MINDY4: variants seen among roughly 807,000 people sequenced by gnomAD.
MINDY4 encodes the protein probable ubiquitin carboxyl-terminal hydrolase MINDY-4.
MINDY4 carries 68 observed loss-of-function variants against 87.0 expected under a neutral mutation model. The observed-to-expected ratio is 0.78, with a 90% CI of 0.64 to 0.96. The LOEUF is 0.96. Among genes scored for constraint, MINDY4 ranks in the 40% least tolerant of loss-of-function variants. The pLI is 0.00. For missense variants in MINDY4, 919 were observed against 928.2 expected (o/e 0.99, Z 0.13); for synonymous variants, 379 against 363.2 (o/e 1.04, Z -0.50).
chr7:30,812,276 G>C (rs565282240), intron 5 of MINDY4, among the ~76,000 whole-genome samples: 1 of 92,228 alleles, frequency 1.1e-5, no homozygotes, highest in Non-Finnish European at 2.2e-5. Context: ...TGTTGAGGGG[G>C]GGGGGGTATG....
At chr7:30,878,981 C>G (rs1236517677) in intron 15 of MINDY4, among the ~76,000 whole-genome samples, 1 of 152,196 alleles carries the variant, frequency 6.6e-6, no homozygotes, top group African/African-American at 2.4e-5. Context: ...ATCGCTTTCC[C>G]CCTTTCCAAT....
intron 1 of MINDY4, among the ~76,000 whole-genome samples, chr7:30,774,201 C>T (rs551010510): frequency 9.2e-5 from 14 of 152,212 alleles, no homozygotes; most frequent in Non-Finnish European, 1.5e-4. Context: ...AAGCTCCTTC[C>T]CCATCTAATT....
chr7:30,780,266 T>C (rs1269095021), intron 2 of MINDY4: 2 of 152,244 alleles, frequency 1.3e-5, no homozygotes, highest in Admixed American at 6.5e-5. Flanking sequence ...GAGAGTGGAC[T>C]GTACACTTTA....
At position 30,814,179 on chromosome 7, in the gene MINDY4, G is replaced by A. The variant is rs923983650; in HGVS notation, c.1074-14500G>A. Among the ~76,000 whole-genome samples the A allele has an allele frequency of 9.1e-4, 139 of 152,240 alleles. 1 individual carries two copies. Among genetic ancestry groups the A allele is most frequent in the Non-Finnish European group, 1.9e-3 (129 of 68,012 alleles). ...AAGAATATGAAAGTATTTAATTTTC[G>A]CAAATTTTCCAAAAATACAAGACCG... is the stretch of plus-strand genomic sequence containing the variant. On this transcript the variant is annotated intron_variant, in intron 5 of 17. Coordinates refer to ENST00000265299, the MANE Select transcript of MINDY4 (RefSeq NM_032222.3).
intron 5 of MINDY4, among the ~76,000 whole-genome samples, chr7:30,826,264 C>T (rs1292235080): frequency 2.0e-5 from 3 of 152,182 alleles, no homozygotes; most frequent in Non-Finnish European, 4.4e-5. Flanking sequence ...TATGACACCA[C>T]GTGACATTGC....
chr7:30,882,277 C>G lies in MINDY4; in HGVS notation c.2068C>G (p.Arg690Gly). Residue 690 changes from arginine to glycine, a missense_variant, in exon 16 of 18, where the codon CGT (arginine) becomes GGT (glycine). By Grantham distance (125) the Arg-to-Gly change is moderately radical. Coordinates refer to ENST00000265299, the MANE Select transcript of MINDY4 (RefSeq NM_032222.3). ...CTTTAGCCTGCAGCCGGGGCTCCTGCGTGACTGGAGGACTGAGAGGCTCTT... is the reference window on the plus strand; with the variant it reads ...CTTTAGCCTGCAGCCGGGGCTCCTGGGTGACTGGAGGACTGAGAGGCTCTT... ...ILFSLQPGLLRDWRTERLFDL... is the reference protein window; with the variant it reads ...ILFSLQPGLLGDWRTERLFDL... 1 of 1,613,998 alleles carries G rather than the reference C, an allele frequency of 6.2e-7. No homozygotes were observed. Among genetic ancestry groups the G allele is most frequent in the Non-Finnish European group, 8.5e-7 (1 of 1,179,884 alleles).
At chr7:30,795,922 C>G (rs1376296791) in intron 5 of MINDY4, among the ~76,000 whole-genome samples, 1 of 152,132 alleles carries the variant, frequency 6.6e-6, no homozygotes, top group Non-Finnish European at 1.5e-5. Flanking sequence ...TTACCTTGGA[C>G]CCACCTGGTT....
chr7:30,828,844 C>A, intron 6 of MINDY4, 107 bp downstream of exon 6: 1 of 995,586 alleles, frequency 1.0e-6, no homozygotes, highest in Non-Finnish European at 1.6e-6. Flanking sequence ...TCCACCTGAC[C>A]TCAGCGAGTG....
chr7:30,885,048 G>C (rs1014286311), intron 17 of MINDY4, among the ~76,000 whole-genome samples: 5 of 152,234 alleles, frequency 3.3e-5, no homozygotes, highest in African/African-American at 1.2e-4. Context: ...CATCTGCTTA[G>C]TGTTGTGTGA....
At chr7:30,887,251 C>G (rs1439359842) in intron 17 of MINDY4, among the ~76,000 whole-genome samples, 1 of 152,124 alleles carries the variant, frequency 6.6e-6, no homozygotes, top group Non-Finnish European at 1.5e-5. Flanking sequence ...GCTGTCACTC[C>G]CCACTGTCCA....
At chr7:30,847,468 A>G (rs985956799) in intron 9 of MINDY4, among the ~76,000 whole-genome samples, 3 of 152,202 alleles carry the variant, frequency 2.0e-5, no homozygotes, top group African/African-American at 7.2e-5. Context: ...TCCTGAAACC[A>G]GGTGCCCACG....
At chr7:30,878,380 A>G (rs944140925) in intron 15 of MINDY4, among the ~76,000 whole-genome samples, 2 of 152,100 alleles carry the variant, frequency 1.3e-5, no homozygotes, top group African/African-American at 4.8e-5. Flanking sequence ...GGGTAAACAG[A>G]TGAAACTCTG....
chr7:30,804,287 A>G (rs1450331920), intron 5 of MINDY4, among the ~76,000 whole-genome samples: 1 of 152,246 alleles, frequency 6.6e-6, no homozygotes, highest in African/African-American at 2.4e-5. Context: ...AGAAGTTAGT[A>G]AAGCCATGGG....
In MINDY4 at chr7:30,791,521, G is replaced by A. The variant is rs756178537; in HGVS notation, c.1020G>A (p.Gln340=). 6 of 1,613,816 alleles carry A rather than the reference G, an allele frequency of 3.7e-6. No homozygotes were observed. The highest frequency in any genetic ancestry group is 5.1e-6 in the Non-Finnish European group (6 of 1,179,806). Reference sequence around the variant, plus strand: ...CTGGTGGTAATTCCAGGATGACCCAGGAGAGGCTGGAAAGAGCGTTCAAAC... The same window carrying A: ...CTGGTGGTAATTCCAGGATGACCCAAGAGAGGCTGGAAAGAGCGTTCAAAC... ...YLPGGNSRMT[Q]ERLERAFKRQ... is the part of the protein sequence containing the mutation. The change falls in exon 5 of 18, where the codon CAG becomes CAA. Residue 340 remains glutamine, a synonymous_variant. Coordinates refer to ENST00000265299, the MANE Select transcript of MINDY4 (RefSeq NM_032222.3).
chr7:30,873,810 A>G (rs1040569950), intron 14 of MINDY4, among the ~76,000 whole-genome samples: 2 of 152,204 alleles, frequency 1.3e-5, no homozygotes, highest in African/African-American at 4.8e-5. Context: ...AACTTGCCTG[A>G]AAAAGGCTGT....
chr7:30,798,161 T>C (rs537635074), intron 5 of MINDY4, among the ~76,000 whole-genome samples: 4 of 152,320 alleles, frequency 2.6e-5, no homozygotes, highest in Non-Finnish European at 5.9e-5. Context: ...TGTTGCCGTA[T>C]TGAATGCTAT....
At chr7:30,797,694 G>C (rs1227819144) in intron 5 of MINDY4, among the ~76,000 whole-genome samples, 1 of 152,204 alleles carries the variant, frequency 6.6e-6, no homozygotes, top group Non-Finnish European at 1.5e-5. Context: ...TGGAGGTCGA[G>C]CAGAGACATG....
intron 5 of MINDY4, among the ~76,000 whole-genome samples, chr7:30,792,292 A>G (rs1787348152): frequency 6.6e-6 from 1 of 152,212 alleles, no homozygotes; most frequent in Non-Finnish European, 1.5e-5. Context: ...TTGACTTATT[A>G]ATATTTCGTG....
At chr7:30,888,860 A>G (rs534022161) in intron 17 of MINDY4, among the ~76,000 whole-genome samples, 11 of 152,306 alleles carry the variant, frequency 7.2e-5, no homozygotes, top group African/African-American at 2.6e-4. Context: ...CTCAAACTCA[A>G]CAGCCTGATA....
Sources: gnomAD v4.1 joint callset for allele counts (sites outside exome capture counted in the v4.1 genomes callset) on GRCh38, gnomAD v4.1.1 for gene constraint, MANE v1.5 for transcripts, NCBI Gene and HGNC (gene_info 2026-07-23, HGNC 2026-07-21) for gene names.